CMKLR2: variants seen among roughly 807,000 people sequenced by gnomAD.
CMKLR2 encodes chemerin-like receptor 2.
In CMKLR2, 18 loss-of-function variants were observed where a neutral mutation model predicts 23.0. The ratio of observed to expected loss-of-function variants is 0.78; its 90% CI spans 0.54 to 1.16. The LOEUF (loss-of-function observed/expected upper bound fraction) is 1.16, where lower values mean the gene tolerates loss of function less well. CMKLR2 is among the 50% of genes most tolerant of loss of function. The pLI is 0.00. For synonymous variants in CMKLR2, 158 were observed against 158.9 expected (o/e 0.99, Z 0.05); for missense variants, 401 against 412.7 (o/e 0.97, Z 0.25).
intron 1 of CMKLR2, among the ~76,000 whole-genome samples, chr2:206,198,639 AT>A (rs1688993679): frequency 6.6e-6 from 1 of 152,218 alleles, no homozygotes; most frequent in African/African-American, 2.4e-5. Context: ...CAAAAAGCCT[AT>A]ACAAATTAAA....
At position 206,180,824 on chromosome 2, in the gene CMKLR2, G is replaced by A. The variant is rs1003384237; in HGVS notation, c.-28-3549C>T. Among the ~76,000 whole-genome samples, 7 of 149,570 alleles carry A rather than the reference G, an allele frequency of 4.7e-5. No individual in the cohort carries two copies. In the East Asian group the frequency reaches 7.8e-4, roughly 17 times the overall value. The stretch of plus-strand genomic sequence containing the variant: ...AGCTGGAGTGCAGTGGTACAATCTC[G>A]TCTCACTGTAACCTCCGCCTCCCGG... On this transcript the variant is annotated intron_variant, in intron 1 of 1. Coordinates refer to ENST00000621141, the MANE Select transcript of CMKLR2 (RefSeq NM_001389445.1).
At chr2:206,190,466 C>T (rs1688715358) in intron 1 of CMKLR2, among the ~76,000 whole-genome samples, 1 of 152,100 alleles carries the variant, frequency 6.6e-6, no homozygotes, top group Non-Finnish European at 1.5e-5. Flanking sequence ...CATTCAGGAG[C>T]CTGTTACCAC....
intron 1 of CMKLR2, among the ~76,000 whole-genome samples, chr2:206,199,451 C>T (rs902633633): frequency 6.6e-6 from 1 of 151,772 alleles, no homozygotes. Context: ...CGAGCACATG[C>T]GCAAGAAAGA....
chr2:206,181,494 G>T (rs1688410471), intron 1 of CMKLR2, among the ~76,000 whole-genome samples: 1 of 151,992 alleles, frequency 6.6e-6, no homozygotes, highest in Non-Finnish European at 1.5e-5. Context: ...AACTTGACTT[G>T]CATATAACTT....
At chr2:206,212,918 C>A (rs368331249) in intron 1 of CMKLR2, among the ~76,000 whole-genome samples, 1 of 152,106 alleles carries the variant, frequency 6.6e-6, no homozygotes, top group East Asian at 1.9e-4. Flanking sequence ...CAACAGTGAG[C>A]CTTCCACAAA....
In CMKLR2 at chr2:206,191,393, C is replaced by CAG. The variant is rs146930776; in HGVS notation, c.-28-14120_-28-14119dup. ...AAGCAGTAGAGAATAAAGGGGAAGGCAGAGAGAGAGAGTGGGACTTCTTTG... is the reference window on the plus strand; with the variant it reads ...AAGCAGTAGAGAATAAAGGGGAAGGCAGAGAGAGAGAGAGTGGGACTTCTTTG... On this transcript the variant is annotated intron_variant, in intron 1 of 1. Coordinates refer to ENST00000621141, the MANE Select transcript of CMKLR2 (RefSeq NM_001389445.1). 7.1e-3 allele frequency among the ~76,000 whole-genome samples: 1,079 copies of CAG among 151,806 alleles called. 20 individuals carry two copies. Among genetic ancestry groups the CAG allele is most frequent in the African/African-American group, 0.025 (1,023 of 41,452 alleles).
intron 1 of CMKLR2, among the ~76,000 whole-genome samples, chr2:206,181,365 A>AT (rs879799593): frequency 3.2e-4 from 47 of 144,736 alleles, no homozygotes; most frequent in East Asian, 1.4e-3. Flanking sequence ...TGGCCCTATT[A>AT]TTTTTTTTTT....
At position 206,178,929 on chromosome 2, in the gene CMKLR2, G is replaced by A. The variant is rs551191413; in HGVS notation, c.-28-1654C>T. Among the ~76,000 whole-genome samples the A allele has an allele frequency of 9.3e-5, 14 of 150,820 alleles. No individual in the cohort carries two copies. In the South Asian group the frequency reaches 2.9e-3, roughly 32 times the overall value. The stretch of plus-strand genomic sequence containing the variant: ...CTCCCAAAGTGCTGGGATTACAGGT[G>A]TAAGCCAGAGTGCCTGGCCAAAGAT... On this transcript the variant is annotated intron_variant, in intron 1 of 1. Coordinates refer to ENST00000621141, the MANE Select transcript of CMKLR2 (RefSeq NM_001389445.1).
At chr2:206,213,051 A>G (rs940850331) in intron 1 of CMKLR2, among the ~76,000 whole-genome samples, 1 of 152,214 alleles carries the variant, frequency 6.6e-6, no homozygotes, top group African/African-American at 2.4e-5. Flanking sequence ...CAACATGCTC[A>G]TTTTCTCTCT....
intron 1 of CMKLR2, among the ~76,000 whole-genome samples, chr2:206,182,206 A>G (rs1180136215): frequency 2.0e-5 from 3 of 152,128 alleles, no homozygotes; most frequent in Admixed American, 6.6e-5. Flanking sequence ...TATTGGTCTC[A>G]TTTTTAACAA....
At chr2:206,181,596 GT>G (rs1258048551) in intron 1 of CMKLR2, among the ~76,000 whole-genome samples, 1 of 152,110 alleles carries the variant, frequency 6.6e-6, no homozygotes, top group Non-Finnish European at 1.5e-5. Flanking sequence ...TATTTTGTAT[GT>G]TTTATGTATT....
chr2:206,210,417 A>T (rs531786619), intron 1 of CMKLR2, among the ~76,000 whole-genome samples: 1 of 151,198 alleles, frequency 6.6e-6, no homozygotes, highest in South Asian at 2.1e-4. Flanking sequence ...AGTTAGGTTG[A>T]TTCCAGGTCT....
intron 1 of CMKLR2, among the ~76,000 whole-genome samples, chr2:206,182,469 C>T (rs1174515365): frequency 1.3e-5 from 2 of 152,196 alleles, no homozygotes; most frequent in African/African-American, 2.4e-5. Flanking sequence ...CCCCCAGTGC[C>T]TTGTACACCT....
Position 206,176,373 on chromosome 2 carries a change from A to C in CMKLR2, c.875T>G (p.Leu292Trp), listed in dbSNP as rs201030518. The C allele has an allele frequency of 9.9e-6, 16 of 1,614,206 alleles. No homozygotes were observed. The East Asian group carries it at 1.6e-4, about 16-fold the overall frequency. Residue 292 changes from leucine to tryptophan, a missense_variant, in exon 2 of 2, where the codon TTG becomes TGG. Transcript: ENST00000621141. ...GTTCAAGCAACTATTGAGGAATGCC[A>C]AACCAGTGGAGAGGGGGATTCCAGC... The part of the protein sequence containing the change: ...MQAGIPLSTG[L>W]AFLNSCLNPI...
Position 206,176,689 on chromosome 2 carries a change from A to G in CMKLR2, c.559T>C (p.Cys187Arg), listed in dbSNP as rs1171427181. ...TCATGCTTCTGAAAATTGTTATAGC[A>G]AAGAGTATGATTATTGAACTCCACA... ...DTVEFNNHTL[C>R]YNNFQKHDPD... is the part of the protein sequence containing the mutation. The change falls in exon 2 of 2, where the codon TGC (cysteine) becomes CGC (arginine). Residue 187 changes from cysteine to arginine, a missense_variant. Cys to Arg is a radical substitution (Grantham distance 180). Transcript: ENST00000621141. 2 of 1,614,106 alleles carry G rather than the reference A, an allele frequency of 1.2e-6. No individual in the cohort carries two copies. The highest frequency in any genetic ancestry group is 8.5e-7 in the Non-Finnish European group (1 of 1,180,050).
chr2:206,180,658 T>C (rs1396008889), intron 1 of CMKLR2, among the ~76,000 whole-genome samples: 1 of 151,732 alleles, frequency 6.6e-6, no homozygotes, highest in African/African-American at 2.4e-5. Context: ...GGTCTTGAAC[T>C]CTTGGCCTTA....
chr2:206,204,181 T>C (rs1689220993), intron 1 of CMKLR2, among the ~76,000 whole-genome samples: 1 of 151,726 alleles, frequency 6.6e-6, no homozygotes, highest in Non-Finnish European at 1.5e-5. Flanking sequence ...TGAAACCCCG[T>C]CTTTACTAAA....
At chr2:206,180,736 T>TTAA (rs1212703055) in intron 1 of CMKLR2, among the ~76,000 whole-genome samples, 4 of 134,738 alleles carry the variant, frequency 3.0e-5, no homozygotes, top group African/African-American at 9.4e-5. Flanking sequence ...GCCCAGCCCA[T>TTAA]TATTATTATT....
chr2:206,177,318 A>C (rs777602248), intron 1 of CMKLR2, 43 bp from the exon 2 acceptor site: 41 of 915,354 alleles, frequency 4.5e-5, no homozygotes, highest in Non-Finnish European at 6.4e-5. Flanking sequence ...TTTTAAAAGA[A>C]AAATAAAAGT....
Sources: gnomAD v4.1 joint callset for allele counts (sites outside exome capture counted in the v4.1 genomes callset) on GRCh38, gnomAD v4.1.1 for gene constraint, MANE v1.5 for transcripts, NCBI Gene and HGNC (gene_info 2026-07-23, HGNC 2026-07-21) for gene names.